SCIN: variants seen among roughly 807,000 people sequenced by gnomAD.
The protein encoded by SCIN is adseverin.
In SCIN, 91 loss-of-function variants were observed where a neutral mutation model predicts 91.8. That is an observed-to-expected ratio of 0.99 (90% CI 0.84 to 1.18). The LOEUF is 1.18. Among genes scored for constraint, SCIN ranks in the 50% most tolerant of loss-of-function variants. SCIN has a pLI of 0.00. For missense variants in SCIN, 1,087 were observed against 863.9 expected (o/e 1.26, Z -3.24); for synonymous variants, 367 against 312.6 (o/e 1.17, Z -1.84).
At chr7:12,573,469 C>T (rs1372122217) in intron 1 of SCIN, among the ~76,000 whole-genome samples, 2 of 152,160 alleles carry the variant, frequency 1.3e-5, no homozygotes, top group East Asian at 1.9e-4. Context: ...GTTTCCATAA[C>T]ACTTGGCATA....
rs1196059451 is a variant in SCIN, at chr7:12,657,555, TATATATATATATA to T, written c.*4841_*4853del. The T allele has an allele frequency of 1.5e-3, 31 of 20,558 alleles. No homozygotes were observed. Among genetic ancestry groups the T allele is most frequent in the Non-Finnish European group, 2.9e-3 (25 of 8,578 alleles). The allele number at this position is 20,558 out of a possible 1,614,324, so 1.3% of individuals were successfully genotyped here. On this transcript the variant is annotated 3_prime_UTR_variant, in exon 16 of 16. Coordinates refer to ENST00000297029, the MANE Select transcript of SCIN (RefSeq NM_001112706.3). ...ATGTGTGTGTATATATATATATATA[TATATATATATATA>T]TATATTTTTTTTTTTTTTTTTTTTT...
At position 12,655,225 on chromosome 7, in the gene SCIN, ATTG is replaced by A. The variant is rs938384917; in HGVS notation, c.*2515_*2517del. ...GTTTTTTAATTTGCATTACTTTTGT[ATTG>A]TTGTATTATTTTATTGTTTTTCCCC... On this transcript the variant is annotated 3_prime_UTR_variant, in exon 16 of 16. Coordinates refer to ENST00000297029, the MANE Select transcript of SCIN (RefSeq NM_001112706.3). 7.2e-5 allele frequency: 11 copies of A among 152,270 alleles called. No homozygotes were observed. In the South Asian group the frequency reaches 2.3e-3, roughly 32 times the overall value. 9.4% of individuals were successfully genotyped at this position (152,270 alleles called of 1,614,324 possible). A position where few individuals can be genotyped will look rare whatever the true frequency, so the allele number is the denominator to read the frequency against.
At chr7:12,594,716 C>A (rs1231227043) in intron 3 of SCIN, among the ~76,000 whole-genome samples, 1 of 152,004 alleles carries the variant, frequency 6.6e-6, no homozygotes, top group Non-Finnish European at 1.5e-5. Flanking sequence ...AAGAAGGGAC[C>A]ACAGACGACA....
chr7:12,642,125 C>G (rs1290435984), intron 11 of SCIN, among the ~76,000 whole-genome samples: 1 of 151,318 alleles, frequency 6.6e-6, no homozygotes, highest in East Asian at 1.9e-4. Flanking sequence ...TATTTGTGTA[C>G]AGTGATATAT....
chr7:12,593,709 C>T (rs1782775840), intron 3 of SCIN, among the ~76,000 whole-genome samples: 2 of 152,032 alleles, frequency 1.3e-5, no homozygotes, highest in African/African-American at 4.8e-5. Flanking sequence ...TTAAGGCCTG[C>T]AATGAGGCAA....
chr7:12,611,586 T>A (rs1783192522), intron 4 of SCIN, among the ~76,000 whole-genome samples: 1 of 152,188 alleles, frequency 6.6e-6, no homozygotes, highest in South Asian at 2.1e-4. Context: ...GACCTTTGAT[T>A]AGATAAATCA....
chr7:12,655,262 T>C lies in SCIN; in HGVS notation c.*2547T>C, dbSNP rs2115309200. 1 of 152,354 alleles carries C rather than the reference T, an allele frequency of 6.6e-6. No homozygotes were observed. Among genetic ancestry groups the C allele is most frequent in the Non-Finnish European group, 1.5e-5 (1 of 68,022 alleles). 9.4% of individuals were successfully genotyped at this position (152,354 alleles called of 1,614,324 possible). ...TTTTATTGTTTTTCCCCAAATAGTT[T>C]TGATCCGCAGATGTAGAACCCACAG... On this transcript the variant is annotated 3_prime_UTR_variant, in exon 16 of 16. Coordinates refer to ENST00000297029, the MANE Select transcript of SCIN (RefSeq NM_001112706.3).
At position 12,653,435 on chromosome 7, in the gene SCIN, C is replaced by T. The variant is rs550932329; in HGVS notation, c.*720C>T. ...TATTCTCTTTTCTATAGATTGTGTT[C>T]AAAAGATGTGTATACTTGCAATAAG... On this transcript the variant is annotated 3_prime_UTR_variant, in exon 16 of 16. Transcript: ENST00000297029. The surrounding 1 kb of genome is among the most constrained non-coding windows in gnomAD (Gnocchi z 4.1). 1.3e-5 allele frequency: 2 copies of T among 152,102 alleles called. No homozygotes were observed. The highest frequency in any genetic ancestry group is 2.1e-4 in the South Asian group (1 of 4,826). The allele number at this position is 152,102 out of a possible 1,614,324, so 9.4% of individuals were successfully genotyped here.
intron 2 of SCIN, among the ~76,000 whole-genome samples, chr7:12,578,789 C>T (rs1782425385): frequency 6.6e-6 from 1 of 151,844 alleles, no homozygotes; most frequent in Non-Finnish European, 1.5e-5. Context: ...CACACACGCA[C>T]ATACACAATT....
Position 12,644,655 on chromosome 7 carries a change from G to A in SCIN, c.1831G>A (p.Asp611Asn). The A allele has an allele frequency of 6.2e-7, 1 of 1,600,086 alleles. No homozygotes were observed. Among genetic ancestry groups the A allele is most frequent in the Non-Finnish European group, 8.5e-7 (1 of 1,172,896 alleles). Residue 611 changes from aspartate (D) to asparagine (N), a missense_variant, in exon 13 of 16, where the codon GAC becomes AAC. Transcript: ENST00000297029. ...TSPLLETQAE[D>N]HPPRLYGCSN... ...ACCACTACTGGAAACCCAGGCTGAAGACCATCCACCTCGGCTTTACGGCTG... is the reference window on the plus strand; with the variant it reads ...ACCACTACTGGAAACCCAGGCTGAAAACCATCCACCTCGGCTTTACGGCTG...
chr7:12,654,104 G>A lies in SCIN; in HGVS notation c.*1389G>A, dbSNP rs1426564235. ...TTCTAGATTCTTAGCCAAAAGCTCA[G>A]AATTGTTGGGCCCTAAAGGATGAAC... On this transcript the variant is annotated 3_prime_UTR_variant, in exon 16 of 16. Coordinates refer to ENST00000297029, the MANE Select transcript of SCIN (RefSeq NM_001112706.3). 2 of 152,070 alleles carry A rather than the reference G, an allele frequency of 1.3e-5. No homozygotes were observed. The highest frequency in any genetic ancestry group is 2.9e-5 in the Non-Finnish European group (2 of 68,000). 9.4% of individuals were successfully genotyped at this position (152,070 alleles called of 1,614,324 possible).
chr7:12,600,729 C>G (rs921916045), intron 3 of SCIN, among the ~76,000 whole-genome samples: 1 of 152,206 alleles, frequency 6.6e-6, no homozygotes, highest in African/African-American at 2.4e-5. Flanking sequence ...TTGGCACACA[C>G]TGGTTGAATG....
intron 4 of SCIN, among the ~76,000 whole-genome samples, chr7:12,606,908 A>T (rs961770071): frequency 2.0e-5 from 3 of 152,216 alleles, no homozygotes; most frequent in Admixed American, 6.5e-5. Context: ...CAAATTCTTG[A>T]TCTTTTAATA....
intron 1 of SCIN, among the ~76,000 whole-genome samples, chr7:12,575,905 C>T (rs1482642434): frequency 2.0e-5 from 3 of 152,114 alleles, no homozygotes; most frequent in African/African-American, 2.4e-5. Context: ...TCATCAAGAC[C>T]GTCAACCTCA....
chr7:12,571,560 A>G (rs1460572006), intron 1 of SCIN: 1 of 467,704 alleles, frequency 2.1e-6, no homozygotes, highest in South Asian at 1.6e-5. Flanking sequence ...TACCCGCACC[A>G]TGCTGCTTGT....
At position 12,659,951 on chromosome 7, in the gene SCIN, G is replaced by A. The variant is rs4389827; in HGVS notation, c.*7236G>A. 0.76 allele frequency: 116,595 copies of A among 152,630 alleles called. 45,498 individuals carry two copies. Among genetic ancestry groups the A allele is most frequent in the African/African-American group, 0.91 (37,940 of 41,554 alleles). 9.5% of individuals were successfully genotyped at this position (152,630 alleles called of 1,614,324 possible). A position where few individuals can be genotyped will look rare whatever the true frequency, so the allele number is the denominator to read the frequency against. On this transcript the variant is annotated 3_prime_UTR_variant, in exon 16 of 16. Coordinates refer to ENST00000297029, the MANE Select transcript of SCIN (RefSeq NM_001112706.3). Reference sequence around the variant, plus strand: ...GTTTCTGCCCCATCCTAACTGATCAGTGTACTTTGTAATCTCCCCCACCCT... The same window carrying A: ...GTTTCTGCCCCATCCTAACTGATCAATGTACTTTGTAATCTCCCCCACCCT...
intron 4 of SCIN, among the ~76,000 whole-genome samples, chr7:12,619,684 A>G (rs1362233375): frequency 6.6e-6 from 1 of 152,134 alleles, no homozygotes; most frequent in East Asian, 1.9e-4. Flanking sequence ...CGAGTATGTC[A>G]GCCTGATTAG....
chr7:12,610,952 A>C (rs1049169632), intron 4 of SCIN: 5 of 152,200 alleles, frequency 3.3e-5, no homozygotes, highest in African/African-American at 1.2e-4. Flanking sequence ...ATGTTACCTT[A>C]CGTCCCTCTC....
chr7:12,644,045 G>A (rs1562633867), intron 11 of SCIN, 93 bp from the exon 12 acceptor site: 1 of 1,143,076 alleles, frequency 8.7e-7, no homozygotes, highest in Non-Finnish European at 1.3e-6. Flanking sequence ...AGAAGGCGAT[G>A]TATGGTTTGC....
Sources: allele counts gnomAD v4.1 joint callset (sites outside exome capture counted in the v4.1 genomes callset), GRCh38; gene constraint gnomAD v4.1.1; non-coding constraint Gnocchi (gnomAD v3.1); transcripts MANE v1.5; gene names NCBI Gene and HGNC (gene_info 2026-07-23, HGNC 2026-07-21).